Variants in GRIN2A observed in about 807,000 individuals in gnomAD.
GRIN2A encodes the protein glutamate ionotropic receptor NMDA type subunit 2A.
Under a neutral mutation model 113.4 loss-of-function variants are expected in GRIN2A, and 22 were observed. The ratio of observed to expected loss-of-function variants is 0.19; its 90% confidence interval spans 0.14 to 0.28. The LOEUF (loss-of-function observed/expected upper bound fraction) is 0.28. GRIN2A is among the 10% of genes least tolerant of loss of function. The pLI is 1.00. For synonymous variants in GRIN2A, 827 were observed against 738.4 expected (o/e 1.12, Z -1.94); for missense variants, 1,502 against 1,887.0 (o/e 0.80, Z 3.78).
intron 2 of GRIN2A, among the ~76,000 whole-genome samples, chr16:9,996,198 A>T (rs1312803537): frequency 1.3e-5 from 2 of 152,194 alleles, no homozygotes; most frequent in African/African-American, 4.8e-5. Flanking sequence ...GATGCGAGCC[A>T]ACCAAGAAAA....
In GRIN2A at chr16:10,133,635, A is replaced by G. The variant is rs115483800; in HGVS notation, c.414+46363T>C. Among the ~76,000 whole-genome samples the G allele has an allele frequency of 2.6e-3, 397 of 152,208 alleles. 1 individual carries two copies. Among genetic ancestry groups the G allele is most frequent in the African/African-American group, 9.2e-3 (384 of 41,536 alleles). ...AAAAAATAATAATTATAAATAAATA[A>G]ATAAATCTCATGAGCTCAGATGTCT... is the stretch of plus-strand genomic sequence containing the variant. On this transcript the variant is annotated intron_variant, in intron 2 of 12. Coordinates refer to ENST00000330684, the MANE Select transcript of GRIN2A (RefSeq NM_001134407.3).
intron 2 of GRIN2A, among the ~76,000 whole-genome samples, chr16:10,033,121 T>C (rs1433333296): frequency 6.6e-6 from 1 of 152,188 alleles, no homozygotes; most frequent in African/African-American, 2.4e-5. Flanking sequence ...CAGATGCATG[T>C]ATCTGACACC....
chr16:9,834,047 C>T (rs2141324957), intron 8 of GRIN2A, 58 bp downstream of exon 8: 1 of 1,571,284 alleles, frequency 6.4e-7, no homozygotes, highest in Non-Finnish European at 8.8e-7. Flanking sequence ...CTGAAATTTT[C>T]ATTAAAGGTA....
intron 2 of GRIN2A, among the ~76,000 whole-genome samples, chr16:10,060,441 C>T (rs2047531876): frequency 6.6e-6 from 1 of 152,196 alleles, no homozygotes; most frequent in Admixed American, 6.5e-5. Flanking sequence ...ACTTAGGGTT[C>T]CTCCGCTAGC....
intron 2 of GRIN2A, among the ~76,000 whole-genome samples, chr16:9,955,828 T>A (rs1446312404): frequency 6.6e-6 from 1 of 152,186 alleles, no homozygotes; most frequent in Non-Finnish European, 1.5e-5. Flanking sequence ...TCACACAGCA[T>A]CGAGTAAGTC....
intron 3 of GRIN2A, among the ~76,000 whole-genome samples, chr16:9,901,698 G>A (rs1317645920): frequency 6.6e-6 from 1 of 152,136 alleles, no homozygotes; most frequent in African/African-American, 2.4e-5. Flanking sequence ...TGCTCCATCT[G>A]CCTCGGCCTC....
At chr16:10,000,183 T>A (rs1381335761) in intron 2 of GRIN2A, among the ~76,000 whole-genome samples, 5 of 152,172 alleles carry the variant, frequency 3.3e-5, no homozygotes, top group African/African-American at 1.2e-4. Flanking sequence ...TCAAGAGCCT[T>A]AACTTAATCA....
rs575855051 is a variant in GRIN2A, at chr16:9,761,289, G to T, written c.*1860C>A. On this transcript the variant is annotated 3_prime_UTR_variant, in exon 13 of 13. Transcript: ENST00000330684. Reference sequence around the variant, plus strand: ...GCAAGAAAATAATACTTACAAAACAGAACGCACACCATGAGGAGAAGAAAT... The same window carrying T: ...GCAAGAAAATAATACTTACAAAACATAACGCACACCATGAGGAGAAGAAAT... The T allele has an allele frequency of 1.3e-5, 3 of 229,682 alleles. No individual in the cohort carries two copies. The highest frequency in any genetic ancestry group is 2.6e-5 in the Non-Finnish European group (3 of 115,890). The allele number at this position is 229,682 out of a possible 1,614,324, so 14.2% of individuals were successfully genotyped here. A position where few individuals can be genotyped will look rare whatever the true frequency, so the allele number is the denominator to read the frequency against.
In GRIN2A at chr16:10,093,963, C is replaced by T. The variant is rs2048235747; in HGVS notation, c.414+86035G>A. ...CAATGAGAATGAAACCCAAAGAGAACTGATGCATCACCCAGTGAGTGAATA... is the reference window on the plus strand; with the variant it reads ...CAATGAGAATGAAACCCAAAGAGAATTGATGCATCACCCAGTGAGTGAATA... On this transcript the variant is annotated intron_variant, in intron 2 of 12. Coordinates refer to ENST00000330684, the MANE Select transcript of GRIN2A (RefSeq NM_001134407.3). Among the ~76,000 whole-genome samples, 3 of 152,200 alleles carry T rather than the reference C, an allele frequency of 2.0e-5. No homozygotes were observed. The South Asian group carries it at 6.2e-4, about 31-fold the overall frequency.
intron 2 of GRIN2A, among the ~76,000 whole-genome samples, chr16:10,042,128 A>G (rs1012951615): frequency 1.3e-5 from 2 of 152,158 alleles, no homozygotes; most frequent in Non-Finnish European, 2.9e-5. Context: ...CCAGATAACA[A>G]TGGAATTTCT....
At chr16:9,924,907 A>T (rs1024699150) in intron 3 of GRIN2A, among the ~76,000 whole-genome samples, 3 of 152,178 alleles carry the variant, frequency 2.0e-5, no homozygotes, top group Non-Finnish European at 4.4e-5. Context: ...TGAATTTTTG[A>T]ACCTATGAAG....
intron 4 of GRIN2A, among the ~76,000 whole-genome samples, chr16:9,861,277 T>A (rs1596509389): frequency 6.6e-6 from 1 of 152,180 alleles, no homozygotes; most frequent in Admixed American, 6.5e-5. Flanking sequence ...AGGAAGATGA[T>A]GTTAAGGAGG....
intron 2 of GRIN2A, among the ~76,000 whole-genome samples, chr16:10,102,718 G>A (rs60150294): frequency 0.032 from 4,788 of 151,894 alleles, 251 homozygotes; most frequent in East Asian, 0.26. Flanking sequence ...GGCTGCCTTG[G>A]GTGTTTCTTT....
intron 2 of GRIN2A, among the ~76,000 whole-genome samples, chr16:9,987,765 T>C (rs2046006882): frequency 6.6e-6 from 1 of 152,146 alleles, no homozygotes; most frequent in Non-Finnish European, 1.5e-5. Flanking sequence ...AGGATCTAGG[T>C]TGAACTCAGA....
At chr16:10,177,014 T>C (rs1373081540) in intron 2 of GRIN2A, among the ~76,000 whole-genome samples, 2 of 152,298 alleles carry the variant, frequency 1.3e-5, no homozygotes, top group East Asian at 3.9e-4. Context: ...ATCAACATCA[T>C]TTTAACAGGA....
chr16:9,916,897 C>T (rs1330038341), intron 3 of GRIN2A, among the ~76,000 whole-genome samples: 1 of 152,206 alleles, frequency 6.6e-6, no homozygotes, highest in Non-Finnish European at 1.5e-5. Flanking sequence ...GCAGCTACTG[C>T]TCCATGGTGT....
At chr16:10,152,657 T>C (rs1311346749) in intron 2 of GRIN2A, among the ~76,000 whole-genome samples, 1 of 152,218 alleles carries the variant, frequency 6.6e-6, no homozygotes, top group Non-Finnish European at 1.5e-5. Context: ...GTTAAATCCA[T>C]GTCACCTTCT....
intron 2 of GRIN2A, among the ~76,000 whole-genome samples, chr16:10,065,735 C>A (rs765162254): frequency 8.5e-5 from 13 of 152,134 alleles, no homozygotes; most frequent in Non-Finnish European, 1.6e-4. Context: ...GAATGCTAAG[C>A]TGGAAGAGGA....
chr16:10,025,864 C>G (rs1252294291), intron 2 of GRIN2A, among the ~76,000 whole-genome samples: 1 of 152,144 alleles, frequency 6.6e-6, no homozygotes, highest in African/African-American at 2.4e-5. Context: ...AGACTTTAGA[C>G]AGGATTGCAA....
Sources: gnomAD v4.1 joint callset for allele counts (sites outside exome capture counted in the v4.1 genomes callset) on GRCh38, gnomAD v4.1.1 for gene constraint, MANE v1.5 for transcripts, NCBI Gene and HGNC (gene_info 2026-07-23, HGNC 2026-07-21) for gene names.